The following PDGFD variants were observed in gnomAD, a reference collection of about 807,000 sequenced individuals.
The protein encoded by PDGFD is platelet-derived growth factor D.
A neutral mutation model predicts 44.7 loss-of-function variants in PDGFD; 30 were observed. The observed-to-expected ratio is 0.67, with a 90% CI of 0.50 to 0.91. The LOEUF (loss-of-function observed/expected upper bound fraction) is 0.91, where lower values mean the gene tolerates loss of function less well. Ranked by LOEUF, PDGFD falls within the 40% of genes least tolerant of loss-of-function variation. The pLI, the probability that PDGFD is intolerant of heterozygous loss-of-function variation, is 0.00. For missense variants in PDGFD, 445 were observed against 457.8 expected (o/e 0.97, Z 0.25); for synonymous variants, 173 against 168.4 (o/e 1.03, Z -0.21).
chr11:104,118,734 TAA>T (rs1486835919), intron 1 of PDGFD, among the ~76,000 whole-genome samples: 1 of 118,402 alleles, frequency 8.4e-6, no homozygotes, highest in East Asian at 2.3e-4. Flanking sequence ...ATTAATATAT[TAA>T]TATATATTAT....
chr11:104,161,629 C>T (rs1862389154), intron 1 of PDGFD, among the ~76,000 whole-genome samples: 1 of 152,156 alleles, frequency 6.6e-6, no homozygotes, highest in Non-Finnish European at 1.5e-5. Context: ...GGTAATACCA[C>T]AGAAATGTAT....
At chr11:104,004,644 T>C (rs1387392628) in intron 1 of PDGFD, among the ~76,000 whole-genome samples, 1 of 152,128 alleles carries the variant, frequency 6.6e-6, no homozygotes, top group East Asian at 1.9e-4. Context: ...AATAACAATA[T>C]TTCAGATTTA....
At chr11:103,945,380 C>T (rs1454781518) in intron 4 of PDGFD, among the ~76,000 whole-genome samples, 6 of 152,118 alleles carry the variant, frequency 3.9e-5, no homozygotes, top group Non-Finnish European at 5.9e-5. Context: ...AGGTCACATG[C>T]TAGAGGTGGA....
At chr11:104,082,050 C>A (rs1460745525) in intron 1 of PDGFD, among the ~76,000 whole-genome samples, 1 of 149,320 alleles carries the variant, frequency 6.7e-6, no homozygotes, top group African/African-American at 2.5e-5. Flanking sequence ...TATAGAGGTG[C>A]CAGTTATTGC....
At chr11:103,919,532 G>C (rs1858177502) in intron 6 of PDGFD, among the ~76,000 whole-genome samples, 1 of 109,216 alleles carries the variant, frequency 9.2e-6, no homozygotes, top group Admixed American at 1.0e-4. Context: ...TTTTGAGATG[G>C]AGTTTCAGTC....
chr11:103,988,799 T>A (rs1345702747), intron 3 of PDGFD, among the ~76,000 whole-genome samples: 1 of 152,210 alleles, frequency 6.6e-6, no homozygotes, highest in Non-Finnish European at 1.5e-5. Context: ...ATTGAATCAC[T>A]TGTAAAATAA....
intron 5 of PDGFD, among the ~76,000 whole-genome samples, chr11:103,929,556 C>T (rs1934267261): frequency 6.6e-6 from 1 of 152,220 alleles, no homozygotes; most frequent in South Asian, 2.1e-4. Flanking sequence ...ATTTCTTACT[C>T]ACCATGAGGA....
intron 3 of PDGFD, among the ~76,000 whole-genome samples, chr11:103,956,561 C>T (rs1301874683): frequency 6.6e-6 from 1 of 150,784 alleles, no homozygotes; most frequent in Non-Finnish European, 1.5e-5. Context: ...ATTTATAGTC[C>T]TTTGGGTATA....
At chr11:104,010,876 G>T (rs1192062893) in intron 1 of PDGFD, among the ~76,000 whole-genome samples, 1 of 152,042 alleles carries the variant, frequency 6.6e-6, no homozygotes, top group African/African-American at 2.4e-5. Flanking sequence ...TGAATAGAGA[G>T]ATCCTTTCCA....
intron 1 of PDGFD, among the ~76,000 whole-genome samples, chr11:104,014,487 T>A (rs1268922210): frequency 6.6e-6 from 1 of 152,126 alleles, no homozygotes; most frequent in African/African-American, 2.4e-5. Flanking sequence ...CAGAGTGAGA[T>A]CCTCTCTCCA....
At chr11:103,932,354 G>A (rs1047465628) in intron 5 of PDGFD, among the ~76,000 whole-genome samples, 3 of 152,072 alleles carry the variant, frequency 2.0e-5, no homozygotes, top group South Asian at 4.1e-4. Flanking sequence ...ACCAACTATA[G>A]GCTGATATAT....
intron 1 of PDGFD, among the ~76,000 whole-genome samples, chr11:104,114,614 T>A (rs944270148): frequency 6.6e-6 from 1 of 151,968 alleles, no homozygotes; most frequent in Non-Finnish European, 1.5e-5. Context: ...TTAGAATCAG[T>A]TTGCTGATGT....
At chr11:103,992,056 G>C (rs901183457) in intron 3 of PDGFD, among the ~76,000 whole-genome samples, 1 of 152,166 alleles carries the variant, frequency 6.6e-6, no homozygotes, top group African/African-American at 2.4e-5. Context: ...TGTGGCAGGA[G>C]ATCCTAATTT....
At chr11:104,142,053 A>T (rs1472410443) in intron 1 of PDGFD, among the ~76,000 whole-genome samples, 1 of 152,170 alleles carries the variant, frequency 6.6e-6, no homozygotes, top group Non-Finnish European at 1.5e-5. Context: ...TTATTTCAGC[A>T]TCTTGTTTTC....
intron 1 of PDGFD, among the ~76,000 whole-genome samples, chr11:104,121,929 C>CTGA (rs1861784072): frequency 6.6e-6 from 1 of 151,984 alleles, no homozygotes; most frequent in African/African-American, 2.4e-5. Flanking sequence ...ATAGTTGAAA[C>CTGA]TGATACCCAT....
chr11:103,955,370 A>G (rs1005740377), intron 3 of PDGFD, among the ~76,000 whole-genome samples: 83 of 152,156 alleles, frequency 5.5e-4, no homozygotes, highest in African/African-American at 1.9e-3. Context: ...CCTTTTGAAT[A>G]AAGGCTTTTG....
rs1308954964 is a variant in PDGFD, at chr11:104,000,223, C to G, written c.157G>C (p.Asp53His). ...SNHLTDLYRR[D>H]ETIQVKGNGY... is the part of the protein sequence containing the mutation. ...TTTCCTTTCACCTGGATGGTCTCAT[C>G]TCTTCGGTACAAGTCTGTGAGGTGA... The change falls in exon 2 of 7, where the codon GAT (aspartate) becomes CAT (histidine). Residue 53 changes from aspartate (D) to histidine (H), a missense_variant. Physicochemically the swap from Asp to His is moderately conservative, Grantham distance 81. Transcript: ENST00000393158. 18 of 1,613,886 alleles carry G rather than the reference C, an allele frequency of 1.1e-5. No homozygotes were observed. The highest frequency in any genetic ancestry group is 1.5e-5 in the Non-Finnish European group (18 of 1,179,978).
intron 1 of PDGFD, among the ~76,000 whole-genome samples, chr11:104,009,026 T>G (rs1256181930): frequency 1.3e-5 from 2 of 152,128 alleles, no homozygotes; most frequent in East Asian, 3.8e-4. Flanking sequence ...CATATTAATG[T>G]AGCCAAGGGC....
At chr11:104,101,949 T>A (rs1449955678) in intron 1 of PDGFD, among the ~76,000 whole-genome samples, 4 of 152,030 alleles carry the variant, frequency 2.6e-5, no homozygotes, top group African/African-American at 7.2e-5. Context: ...AAGACTTACA[T>A]GTTAGACCTA....
Sources: allele counts gnomAD v4.1 joint callset (sites outside exome capture counted in the v4.1 genomes callset), GRCh38; gene constraint gnomAD v4.1.1; transcripts MANE v1.5; gene names NCBI Gene and HGNC (gene_info 2026-07-23, HGNC 2026-07-21).